EIF4ENIF1: variants seen among roughly 807,000 people sequenced by gnomAD.
The protein encoded by EIF4ENIF1 is eukaryotic translation initiation factor 4E transporter.
EIF4ENIF1 carries 23 observed loss-of-function variants against 110.5 expected under a neutral mutation model. That is an observed-to-expected ratio of 0.21 (90% CI 0.15 to 0.29). The LOEUF is 0.29. EIF4ENIF1 is among the 10% of genes least tolerant of loss of function. EIF4ENIF1 has a pLI of 1.00. For synonymous variants in EIF4ENIF1, 440 were observed against 437.0 expected (o/e 1.01, Z -0.09); for missense variants, 1,031 against 1,221.1 (o/e 0.84, Z 2.32).
chr22:31,481,276 C>T (rs767262252), intron 2 of EIF4ENIF1, among the ~76,000 whole-genome samples: 4 of 152,012 alleles, frequency 2.6e-5, no homozygotes, highest in Non-Finnish European at 4.4e-5. Context: ...GATCCTCCCA[C>T]GTTAGCCTCT....
At chr22:31,475,412 C>T (rs1417642055) in intron 2 of EIF4ENIF1, among the ~76,000 whole-genome samples, 3 of 152,072 alleles carry the variant, frequency 2.0e-5, no homozygotes, top group Non-Finnish European at 4.4e-5. Flanking sequence ...CAAGATCAGC[C>T]TGGGCAATAT....
chr22:31,487,809 AAAAAG>A (rs1569112173), intron 2 of EIF4ENIF1, among the ~76,000 whole-genome samples: 1 of 151,710 alleles, frequency 6.6e-6, no homozygotes, highest in African/African-American at 2.4e-5. Flanking sequence ...AAAAAAAAAA[AAAAAG>A]AAAAATCCAT....
chr22:31,459,359 A>T (rs182606690), intron 6 of EIF4ENIF1, among the ~76,000 whole-genome samples: 1 of 152,276 alleles, frequency 6.6e-6, no homozygotes, highest in Admixed American at 6.5e-5. Flanking sequence ...ACTTTCAGTC[A>T]GGGCTCAGCA....
chr22:31,477,033 G>A (rs1317671466), intron 2 of EIF4ENIF1, among the ~76,000 whole-genome samples: 1 of 149,376 alleles, frequency 6.7e-6, no homozygotes, highest in Non-Finnish European at 1.5e-5. Context: ...TTGTCCAGGC[G>A]ACTTGGTTGA....
intron 2 of EIF4ENIF1, among the ~76,000 whole-genome samples, chr22:31,477,787 TAGAAACAAG>T (rs537311443): frequency 5.6e-4 from 86 of 152,300 alleles, no homozygotes; most frequent in South Asian, 4.6e-3. Flanking sequence ...GAAATGGGCT[TAGAAACAAG>T]ACAACTCTTG....
At chr22:31,485,787 G>A (rs904179667) in intron 2 of EIF4ENIF1, among the ~76,000 whole-genome samples, 31 of 150,710 alleles carry the variant, frequency 2.1e-4, no homozygotes, top group African/African-American at 7.3e-4. Context: ...CTGAGCAGCA[G>A]GAGTGAAACT....
At chr22:31,477,229 T>C (rs1022861224) in intron 2 of EIF4ENIF1, among the ~76,000 whole-genome samples, 4 of 151,646 alleles carry the variant, frequency 2.6e-5, no homozygotes, top group African/African-American at 9.7e-5. Flanking sequence ...CTGGGTATGA[T>C]GGCGCATGCC....
chr22:31,440,316 G>A (rs1259842352), intron 18 of EIF4ENIF1, among the ~76,000 whole-genome samples, 195 bp from the exon 19 acceptor site: 1 of 152,158 alleles, frequency 6.6e-6, no homozygotes, highest in Non-Finnish European at 1.5e-5. Context: ...GAAGCTACCA[G>A]TATTGAAAAC....
At chr22:31,443,806 C>CTT (rs386395221) in intron 15 of EIF4ENIF1, among the ~76,000 whole-genome samples, 1,468 of 129,090 alleles carry the variant, frequency 0.011, 33 homozygotes, top group Non-Finnish European at 0.018. Context: ...GGGAATGAAC[C>CTT]TTTTTTTTTT....
intron 2 of EIF4ENIF1, among the ~76,000 whole-genome samples, chr22:31,478,593 G>A (rs192392134): frequency 1.4e-3 from 210 of 151,864 alleles, no homozygotes; most frequent in African/African-American, 4.5e-3. Flanking sequence ...CAAGGCGGGC[G>A]GATCACGAGG....
chr22:31,450,891 ACAC>A (rs1569073737), intron 10 of EIF4ENIF1: 2 of 156,302 alleles, frequency 1.3e-5, no homozygotes, highest in Admixed American at 6.3e-5. Flanking sequence ...ACACACACAC[ACAC>A]AAAAGAGACA....
rs1171079275 is a variant in EIF4ENIF1, at chr22:31,477,384, C to CA, written c.97-5468dup. On this transcript the variant is annotated intron_variant, in intron 2 of 18. Transcript: ENST00000330125. ...AAAAAAAAAAAAAAAACAAAAAAAA[C>CA]AAAAAAAGAGAATTTGAAATTGAGA... Among the ~76,000 whole-genome samples, 15 of 55,780 alleles carry CA rather than the reference C, an allele frequency of 2.7e-4. No individual in the cohort carries two copies. The East Asian group carries it at 4.4e-3, about 16-fold the overall frequency. The allele number at this position is 55,780 out of a possible 152,430, so 36.6% of individuals were successfully genotyped here. A position where few individuals can be genotyped will look rare whatever the true frequency, so the allele number is the denominator to read the frequency against.
upstream of EIF4ENIF1, among the ~76,000 whole-genome samples, chr22:31,492,371 G>GT (rs1195856066): frequency 6.6e-6 from 1 of 152,190 alleles, no homozygotes; most frequent in Non-Finnish European, 1.5e-5. Flanking sequence ...GTGTAGGCAT[G>GT]TTTTAAACCA....
chr22:31,440,140 T>G lies in EIF4ENIF1; in HGVS notation c.2717-19A>C. 6.2e-7 allele frequency: 1 copy of G among 1,613,946 alleles called. No homozygotes were observed. The highest frequency in any genetic ancestry group is 8.5e-7 in the Non-Finnish European group (1 of 1,179,966). The stretch of plus-strand genomic sequence containing the variant: ...TGCAGAACTGTGGAGATAAGAAGGG[T>G]TATCATTCACAGCATGAGAAGGAAA... On this transcript the variant is annotated intron_variant, in intron 18 of 18. Coordinates refer to ENST00000330125, the MANE Select transcript of EIF4ENIF1 (RefSeq NM_019843.4).
rs1601633914 is a variant in EIF4ENIF1, at chr22:31,475,679, C to T, written c.97-3762G>A. Among the ~76,000 whole-genome samples the T allele has an allele frequency of 2.7e-5, 4 of 149,684 alleles. 1 individual carries two copies. The South Asian group carries it at 6.4e-4, about 24-fold the overall frequency. Reference sequence around the variant, plus strand: ...CTGAGGTTGCAGTGATCTGAGTTCGCGCCACTGCACTCCAGCCTGGGTGAC... The same window carrying T: ...CTGAGGTTGCAGTGATCTGAGTTCGTGCCACTGCACTCCAGCCTGGGTGAC... On this transcript the variant is annotated intron_variant, in intron 2 of 18. Coordinates refer to ENST00000330125, the MANE Select transcript of EIF4ENIF1 (RefSeq NM_019843.4).
In EIF4ENIF1 at chr22:31,466,538, C is replaced by T. The variant is rs200749544; in HGVS notation, c.298+1637G>A. ...CAGAGGTTGCAGTAAGCAGAGACCACGCCACTGTACTCCAGCCTAGGCAAC... is the reference window on the plus strand; with the variant it reads ...CAGAGGTTGCAGTAAGCAGAGACCATGCCACTGTACTCCAGCCTAGGCAAC... On this transcript the variant is annotated intron_variant, in intron 4 of 18. Coordinates refer to ENST00000330125, the MANE Select transcript of EIF4ENIF1 (RefSeq NM_019843.4). Among the ~76,000 whole-genome samples the T allele has an allele frequency of 5.4e-5, 8 of 149,422 alleles. No individual in the cohort carries two copies. In the East Asian group the frequency reaches 7.9e-4, roughly 15 times the overall value.
chr22:31,455,369 G>T, intron 8 of EIF4ENIF1, 54 bp from the exon 9 acceptor site: 2 of 1,278,950 alleles, frequency 1.6e-6, no homozygotes, highest in South Asian at 4.3e-5. Context: ...AAAGAAACAT[G>T]CCTTCGACAG....
intron 6 of EIF4ENIF1, among the ~76,000 whole-genome samples, chr22:31,459,597 G>C (rs1022777409): frequency 2.0e-5 from 3 of 152,104 alleles, no homozygotes; most frequent in African/African-American, 7.2e-5. Context: ...TCTCTGGTGA[G>C]GCTAAACTCT....
chr22:31,492,859 G>A (rs2052296447), upstream of EIF4ENIF1, among the ~76,000 whole-genome samples: 2 of 152,136 alleles, frequency 1.3e-5, no homozygotes, highest in Non-Finnish European at 2.9e-5. Flanking sequence ...AGCCTCCTGA[G>A]TAGCTGGGAT....
Sources: allele counts gnomAD v4.1 joint callset (sites outside exome capture counted in the v4.1 genomes callset), GRCh38; gene constraint gnomAD v4.1.1; transcripts MANE v1.5; gene names NCBI Gene and HGNC (gene_info 2026-07-23, HGNC 2026-07-21).